The following ARID3C variants were observed in gnomAD, a reference collection of about 807,000 sequenced individuals.
The protein encoded by ARID3C is AT-rich interactive domain-containing protein 3C.
Under a neutral mutation model 37.9 loss-of-function variants are expected in ARID3C, and 42 were observed. That is an observed-to-expected ratio of 1.11 (90% CI 0.87 to 1.43). ARID3C has a LOEUF of 1.43. Ranked by LOEUF, ARID3C falls within the 40% of genes most tolerant of loss-of-function variation. ARID3C has a pLI of 0.00. For synonymous variants in ARID3C, 213 were observed against 228.0 expected (o/e 0.93, Z 0.59); for missense variants, 581 against 548.8 (o/e 1.06, Z -0.59).
At chr9:34,627,526 G>C (rs1169363797) in intron 1 of ARID3C, among the ~76,000 whole-genome samples, 171 bp downstream of exon 2, 3 of 151,270 alleles carry the variant, frequency 2.0e-5, no homozygotes, top group Non-Finnish European at 4.4e-5. Flanking sequence ...TTCCCTCCCT[G>C]TCACTATCCT....
upstream of ARID3C, chr9:34,628,117 C>G: frequency 7.1e-7 from 1 of 1,401,182 alleles, no homozygotes; most frequent in Non-Finnish European, 9.3e-7. This position sits in a 1 kb window ranked among gnomAD's most constrained non-coding sequence, Gnocchi z 5.2. Context: ...GGTGCTGGGC[C>G]CTACTGCCCC....
chr9:34,622,352 A>C (rs1017353875), exon 5 of ARID3C: 13 of 1,607,074 alleles, frequency 8.1e-6, no homozygotes, highest in Middle Eastern at 1.7e-4. Flanking sequence ...CTCACCCCTC[A>C]GGGGAACCTT....
chr9:34,624,612 C>G (rs1820630126), intron 2 of ARID3C, among the ~76,000 whole-genome samples: 1 of 152,208 alleles, frequency 6.6e-6, no homozygotes, highest in Non-Finnish European at 1.5e-5. Context: ...GAATCAACTC[C>G]CGCCTCGGCC....
exon 7 of ARID3C, chr9:34,621,479 G>T: frequency 1.3e-6 from 2 of 1,532,082 alleles, no homozygotes; most frequent in Non-Finnish European, 1.7e-6. Flanking sequence ...TGCTGGAAGG[G>T]GGCCCTGTGG....
At chr9:34,632,535 G>A (rs1026200129), upstream of ARID3C, among the ~76,000 whole-genome samples, 1 of 152,204 alleles carries the variant, frequency 6.6e-6, no homozygotes. Context: ...AGATGCATGC[G>A]TGAAGATCAG....
intron 6 of ARID3C, 86 bp downstream of exon 7, chr9:34,621,934 A>C: frequency 7.5e-7 from 1 of 1,328,322 alleles, no homozygotes; most frequent in South Asian, 1.2e-5. Context: ...CCTGAACTTC[A>C]TGCTAGTAGA....
At chr9:34,627,613 G>C in intron 1 of ARID3C, 84 bp downstream of exon 2, 1 of 1,277,102 alleles carries the variant, frequency 7.8e-7, no homozygotes. Context: ...GGTGGGGGTG[G>C]GTGGGCTGCT....
At position 34,622,543 on chromosome 9, in the gene ARID3C, T is replaced by C; in HGVS notation, c.866-14A>G. On this transcript the variant is annotated splice_polypyrimidine_tract_variant and intron_variant, in intron 4 of 6. Coordinates refer to ENST00000378909, the Ensembl canonical transcript of ARID3C. ...TTCCACTCTCCTCTAGAAGAACAGG[T>C]TATTCAGCTCCCCTGGCCAAACCAA... 1.3e-6 allele frequency: 2 copies of C among 1,579,664 alleles called. No homozygotes were observed. The highest frequency in any genetic ancestry group is 1.7e-6 in the Non-Finnish European group (2 of 1,162,654).
At chr9:34,625,857 C>T (rs770371840) in intron 1 of ARID3C, 43 bp from the exon 3 acceptor site, 11 of 1,606,312 alleles carry the variant, frequency 6.8e-6, no homozygotes, top group Admixed American at 1.7e-5. Context: ...GCTGACTCCC[C>T]CTCCCTCCCT....
At position 34,621,560 on chromosome 9, in the gene ARID3C, T is replaced by C; in HGVS notation, c.1139-2A>G. On this transcript the variant is annotated splice_acceptor_variant, in intron 6 of 6. Coordinates refer to ENST00000378909, the Ensembl canonical transcript of ARID3C. LOFTEE classifies it high-confidence loss of function. ...GCTGGCGGCGGGCAAAGAGGACACC[T>C]GGCAAAGGGGTGAGGAGATGGTAGA... 1.3e-6 allele frequency: 2 copies of C among 1,574,540 alleles called. No individual in the cohort carries two copies. Among genetic ancestry groups the C allele is most frequent in the Non-Finnish European group, 1.7e-6 (2 of 1,167,178 alleles).
upstream of ARID3C, among the ~76,000 whole-genome samples, chr9:34,631,081 C>G (rs1285715147): frequency 1.3e-5 from 2 of 152,192 alleles, no homozygotes; most frequent in South Asian, 2.1e-4. Context: ...TCCACAGAAC[C>G]CTTGTGCCCT....
At chr9:34,627,879 C>T in exon 1 of ARID3C, 1 of 1,574,200 alleles carries the variant, frequency 6.4e-7, no homozygotes, top group Non-Finnish European at 8.6e-7. Flanking sequence ...CCAACATTCC[C>T]CAAGGCCCCC....
chr9:34,624,004 G>C, exon 3 of ARID3C: 16 of 1,600,864 alleles, frequency 1.0e-5, no homozygotes, highest in Non-Finnish European at 1.4e-5. Flanking sequence ...CGTACAGGTC[G>C]AGCACCTGCT....
chr9:34,622,278 A>C (rs528650415), intron 5 of ARID3C, 69 bp downstream of exon 6: 1 of 1,569,896 alleles, frequency 6.4e-7, no homozygotes, highest in East Asian at 2.2e-5. Flanking sequence ...TCTAACACCT[A>C]TCAGGTGATG....
chr9:34,621,977 C>T lies in ARID3C; in HGVS notation c.1138+43G>A, dbSNP rs369359140. The T allele has an allele frequency of 4.9e-5, 78 of 1,587,646 alleles. No individual in the cohort carries two copies. The African/African-American group carries it at 9.1e-4, about 19-fold the overall frequency. On this transcript the variant is annotated intron_variant, in intron 6 of 6. Coordinates refer to ENST00000378909, the Ensembl canonical transcript of ARID3C. Reference sequence around the variant, plus strand: ...TAAAATCCCCATGCCAGCCTAAATACCCCTGACCCCATGCCAGTGTAGACA... The same window carrying T: ...TAAAATCCCCATGCCAGCCTAAATATCCCTGACCCCATGCCAGTGTAGACA...
intron 1 of ARID3C, among the ~76,000 whole-genome samples, chr9:34,627,074 C>T (rs372783672): frequency 2.6e-5 from 4 of 152,174 alleles, no homozygotes; most frequent in African/African-American, 7.2e-5. Context: ...TTTAGTCATA[C>T]TGCGGCTGTA....
exon 3 of ARID3C, chr9:34,623,934 A>G: frequency 6.2e-7 from 1 of 1,606,002 alleles, no homozygotes; most frequent in Non-Finnish European, 8.5e-7. Context: ...ACTTCCCGCC[A>G]CACTTTGCGG....
At chr9:34,621,407 T>C (rs1270988649) in exon 7 of ARID3C, 3 of 1,256,072 alleles carry the variant, frequency 2.4e-6, no homozygotes, top group Non-Finnish European at 3.2e-6. Context: ...GCAGGGGGTC[T>C]CCTCCCCCCT....
upstream of ARID3C, among the ~76,000 whole-genome samples, chr9:34,628,795 G>T (rs1002225885): frequency 1.3e-5 from 2 of 152,196 alleles, no homozygotes; most frequent in Non-Finnish European, 2.9e-5. This position sits in a 1 kb window ranked among gnomAD's most constrained non-coding sequence, Gnocchi z 5.2. Context: ...AGGGACCAAG[G>T]AGTCGCGGGG....
Sources: gnomAD v4.1 joint callset for allele counts (sites outside exome capture counted in the v4.1 genomes callset) on GRCh38, gnomAD v4.1.1 for gene constraint, Gnocchi (gnomAD v3.1) non-coding constraint, MANE v1.5 for transcripts, NCBI Gene and HGNC (gene_info 2026-07-23, HGNC 2026-07-21) for gene names.